TAFA4: variants seen among roughly 807,000 people sequenced by gnomAD.
TAFA4 encodes chemokine-like protein TAFA-4.
Under a neutral mutation model 21.1 loss-of-function variants are expected in TAFA4, and 20 were observed. That is an observed-to-expected ratio of 0.95 (90% CI 0.67 to 1.38). The LOEUF (loss-of-function observed/expected upper bound fraction) is 1.38, where lower values mean the gene tolerates loss of function less well. Ranked by LOEUF, TAFA4 falls within the 40% of genes most tolerant of loss-of-function variation. The pLI is 0.00. For synonymous variants in TAFA4, 71 were observed against 67.4 expected (o/e 1.05, Z -0.26); for missense variants, 211 against 180.9 (o/e 1.17, Z -0.95).
At chr3:68,909,621 A>G (rs1260744094) in intron 1 of TAFA4, among the ~76,000 whole-genome samples, 1 of 152,220 alleles carries the variant, frequency 6.6e-6, no homozygotes, top group African/African-American at 2.4e-5. Context: ...AGGCTCCACC[A>G]AAAGGTAGCT....
chr3:68,813,675 T>C (rs911146249), intron 3 of TAFA4, among the ~76,000 whole-genome samples: 2 of 152,114 alleles, frequency 1.3e-5, no homozygotes, highest in African/African-American at 4.8e-5. Flanking sequence ...CAATAATTAA[T>C]AGCTTACCAA....
At position 68,932,221 on chromosome 3, in the gene TAFA4, C is replaced by T. The variant is rs1265822229; in HGVS notation, c.-123+19G>A. 1 of 152,008 alleles carries T rather than the reference C, an allele frequency of 6.6e-6. No homozygotes were observed. Among genetic ancestry groups the T allele is most frequent in the Non-Finnish European group, 1.5e-5 (1 of 68,042 alleles). 9.4% of individuals were successfully genotyped at this position (152,008 alleles called of 1,614,324 possible). On this transcript the variant is annotated intron_variant, in intron 1 of 5. Transcript: ENST00000295569. Reference sequence around the variant, plus strand: ...ACCCCATCCTCTCGCCCCTCCTTATCCCTTCCAACCCTTCTTACTCGACTA... The same window carrying T: ...ACCCCATCCTCTCGCCCCTCCTTATTCCTTCCAACCCTTCTTACTCGACTA...
chr3:68,765,496 A>T (rs1702835588), intron 3 of TAFA4, among the ~76,000 whole-genome samples: 1 of 152,152 alleles, frequency 6.6e-6, no homozygotes, highest in African/African-American at 2.4e-5. Flanking sequence ...CACACTATAT[A>T]TGTCATTAAG....
intron 1 of TAFA4, among the ~76,000 whole-genome samples, chr3:68,903,749 CTGTTT>C (rs1485093913): frequency 6.6e-5 from 10 of 152,156 alleles, no homozygotes; most frequent in African/African-American, 2.4e-4. Flanking sequence ...TTTCATCACC[CTGTTT>C]TATGTGTTTT....
At chr3:68,897,651 C>A (rs2089805746) in intron 1 of TAFA4, among the ~76,000 whole-genome samples, 1 of 151,944 alleles carries the variant, frequency 6.6e-6, no homozygotes, top group Admixed American at 6.6e-5. Context: ...TTTATTTTTC[C>A]CTTTATCTCT....
intron 4 of TAFA4, among the ~76,000 whole-genome samples, chr3:68,751,384 G>C: frequency 6.6e-6 from 1 of 152,148 alleles, no homozygotes; most frequent in East Asian, 1.9e-4. Flanking sequence ...AAGATCTAAG[G>C]GTGGCCCCTA....
chr3:68,849,587 C>T (rs1254458350), intron 3 of TAFA4, among the ~76,000 whole-genome samples: 4 of 152,168 alleles, frequency 2.6e-5, no homozygotes, highest in Non-Finnish European at 5.9e-5. Flanking sequence ...TTCGGACTAG[C>T]CCAGGTGTCA....
chr3:68,763,841 A>G (rs1702800442), intron 3 of TAFA4, among the ~76,000 whole-genome samples: 1 of 138,148 alleles, frequency 7.2e-6, no homozygotes, highest in South Asian at 2.3e-4. Flanking sequence ...CATTAGGTAA[A>G]CCTTGGTCTT....
At chr3:68,869,362 A>G (rs1431784535) in intron 3 of TAFA4, among the ~76,000 whole-genome samples, 1 of 152,056 alleles carries the variant, frequency 6.6e-6, no homozygotes, top group African/African-American at 2.4e-5. Context: ...TTCACTCTAC[A>G]AGGCCAGCAT....
chr3:68,812,882 GCAC>G (rs1415133307), intron 3 of TAFA4, among the ~76,000 whole-genome samples: 5 of 150,336 alleles, frequency 3.3e-5, no homozygotes, highest in Middle Eastern at 3.4e-3. Context: ...ATTCTTTTCA[GCAC>G]CACACCACAC....
chr3:68,818,851 G>C (rs753473734), intron 3 of TAFA4, among the ~76,000 whole-genome samples: 30 of 152,168 alleles, frequency 2.0e-4, no homozygotes, highest in Non-Finnish European at 3.5e-4. Context: ...ATAATGAAAA[G>C]TTTGAAATAT....
intron 3 of TAFA4, among the ~76,000 whole-genome samples, chr3:68,862,133 G>A (rs955089319): frequency 1.3e-5 from 2 of 151,854 alleles, no homozygotes; most frequent in Non-Finnish European, 2.9e-5. Context: ...GTTTTCTGAT[G>A]ATGCCACTAG....
chr3:68,799,185 C>G (rs550008455), intron 3 of TAFA4, among the ~76,000 whole-genome samples: 2 of 152,264 alleles, frequency 1.3e-5, no homozygotes, highest in Admixed American at 6.5e-5. Context: ...TTAGTCCATT[C>G]AGGCTGCTGT....
At chr3:68,885,116 C>CCAGGA in intron 2 of TAFA4, 59 bp downstream of exon 2, 1 of 1,566,494 alleles carries the variant, frequency 6.4e-7, no homozygotes, top group East Asian at 2.2e-5. Context: ...CTCACTTTTG[C>CCAGGA]TAAATTCTCA....
chr3:68,855,945 T>C (rs902848445), intron 3 of TAFA4, among the ~76,000 whole-genome samples: 2 of 152,090 alleles, frequency 1.3e-5, no homozygotes, highest in Non-Finnish European at 2.9e-5. Flanking sequence ...TCTTTCTTGC[T>C]GGAATGCAGA....
intron 3 of TAFA4, among the ~76,000 whole-genome samples, chr3:68,762,237 T>C (rs1389157909): frequency 6.7e-6 from 1 of 149,990 alleles, no homozygotes; most frequent in Non-Finnish European, 1.5e-5. Flanking sequence ...AGAATGGAGG[T>C]AAATCTTGAT....
chr3:68,827,349 T>C (rs1048212195), intron 3 of TAFA4, among the ~76,000 whole-genome samples: 1 of 152,226 alleles, frequency 6.6e-6, no homozygotes, highest in Non-Finnish European at 1.5e-5. Flanking sequence ...GAAACATATG[T>C]GTGCATATGT....
At chr3:68,747,119 TCTTA>T (rs933701189) in intron 4 of TAFA4, among the ~76,000 whole-genome samples, 7 of 152,284 alleles carry the variant, frequency 4.6e-5, no homozygotes, top group African/African-American at 1.7e-4. Context: ...TGCTCAAAGC[TCTTA>T]CTTACGAAAA....
chr3:68,869,726 C>T (rs1288665590), intron 3 of TAFA4, among the ~76,000 whole-genome samples: 1 of 151,868 alleles, frequency 6.6e-6, no homozygotes, highest in Non-Finnish European at 1.5e-5. Context: ...ACAAAAATGG[C>T]CATACGTAAC....
Sources: gnomAD v4.1 joint callset for allele counts (sites outside exome capture counted in the v4.1 genomes callset) on GRCh38, gnomAD v4.1.1 for gene constraint, MANE v1.5 for transcripts, NCBI Gene and HGNC (gene_info 2026-07-23, HGNC 2026-07-21) for gene names.